The following IRF2BPL variants were observed in gnomAD, a reference collection of about 807,000 sequenced individuals.
IRF2BPL encodes interferon regulatory factor 2 binding protein like, also known as probable E3 ubiquitin-protein ligase IRF2BPL.
IRF2BPL carries 13 observed loss-of-function variants against 51.2 expected under a neutral mutation model. The ratio of observed to expected loss-of-function variants is 0.25; its 90% CI spans 0.17 to 0.40. The LOEUF (loss-of-function observed/expected upper bound fraction) is 0.40. Among genes scored for constraint, IRF2BPL ranks in the 10% least tolerant of loss-of-function variants. IRF2BPL has a pLI of 1.00. For synonymous variants in IRF2BPL, 768 were observed against 509.2 expected (o/e 1.51, Z -6.84); for missense variants, 1,210 against 1,111.8 (o/e 1.09, Z -1.26).
chr14:77,028,010 A>G lies in IRF2BPL; in HGVS notation c.-218T>C. On this transcript the variant is annotated 5_prime_UTR_variant, in exon 1 of 1. Transcript: ENST00000238647. ...CACCGCCCGGGCAGCGGACGGGTTC[A>G]GCCCTCTCTTCGCCCCCACCTCCTA... 4.0e-6 allele frequency: 2 copies of G among 502,482 alleles called. No homozygotes were observed. The highest frequency in any genetic ancestry group is 6.8e-6 in the Non-Finnish European group (2 of 295,066). The allele number at this position is 502,482 out of a possible 1,614,324, so 31.1% of individuals were successfully genotyped here.
In IRF2BPL at chr14:77,026,384, T is replaced by G; in HGVS notation, c.1409A>C (p.Asp470Ala). The change falls in exon 1 of 1, where the codon GAC becomes GCC. Residue 470 changes from aspartate to alanine, a missense_variant. By Grantham distance (126) the Asp-to-Ala change is moderately radical. Coordinates refer to ENST00000238647, the MANE Select transcript of IRF2BPL (RefSeq NM_024496.4). ...LEYEKKHGSGDWRLLGDLLPE... is the reference protein window; with the variant it reads ...LEYEKKHGSGAWRLLGDLLPE... ...GAGCAGGTCTCCAAGCAGGCGCCAGTCCCCGGAGCCGTGCTTCTTTTCGTA... is the reference window on the plus strand; with the variant it reads ...GAGCAGGTCTCCAAGCAGGCGCCAGGCCCCGGAGCCGTGCTTCTTTTCGTA... 1 of 1,612,828 alleles carries G rather than the reference T, an allele frequency of 6.2e-7. No individual in the cohort carries two copies. The highest frequency in any genetic ancestry group is 8.5e-7 in the Non-Finnish European group (1 of 1,179,866).
chr14:77,025,673 AT>A lies in IRF2BPL; in HGVS notation c.2119del (p.Met707TrpfsTer60). The A allele has an allele frequency of 6.4e-7, 1 of 1,563,160 alleles. No individual in the cohort carries two copies. The highest frequency in any genetic ancestry group is 2.3e-5 in the East Asian group (1 of 44,400). On this transcript the variant is annotated frameshift_variant, in exon 1 of 1. Transcript: ENST00000238647. LOFTEE classifies it high-confidence loss of function. ...GCAGCAGAGGGGTCCGCTGTTGGCC[AT>A]GGGGGAATCCGGAATGTTTTGGGGG... The part of the protein sequence containing the change: ...VHPQNIPDSP[M>X]ANSGPLCCTI...
Position 77,027,334 on chromosome 14 carries a change from A to G in IRF2BPL, c.459T>C (p.Ala153=), listed in dbSNP as rs574190382. 72 of 1,518,458 alleles carry G rather than the reference A, an allele frequency of 4.7e-5. No homozygotes were observed. The highest frequency in any genetic ancestry group is 3.8e-4 in the South Asian group (31 of 82,372). 94.1% of individuals were successfully genotyped at this position (1,518,458 alleles called of 1,614,324 possible). A position where few individuals can be genotyped will look rare whatever the true frequency, so the allele number is the denominator to read the frequency against. The change falls in exon 1 of 1, where the codon GCT becomes GCC. Residue 153 remains alanine, a synonymous_variant. Coordinates refer to ENST00000238647, the MANE Select transcript of IRF2BPL (RefSeq NM_024496.4). ...CGGCGGCGGCGGCGGCGGCGGCGGC[A>G]GCGCTTAGGCCGTAGCGCTCCAGGC... The part of the protein sequence containing the change: ...PSGLERYGLS[A]AAAAAAAAAA...
At position 77,027,437 on chromosome 14, in the gene IRF2BPL, TGCTGC is replaced by T; in HGVS notation, c.351_355del (p.Gln118AlafsTer13). ...CTGTTGTTGCTGCTGCTGCTGCTGC[TGCTGC>T]TGCTGCTGTTGCTGCTGCTGCTGCT... On this transcript the variant is annotated frameshift_variant, in exon 1 of 1. Transcript: ENST00000238647. LOFTEE classifies it high-confidence loss of function. The T allele has an allele frequency of 7.0e-7, 1 of 1,418,446 alleles. No individual in the cohort carries two copies. Among genetic ancestry groups the T allele is most frequent in the Non-Finnish European group, 9.3e-7 (1 of 1,075,238 alleles). 87.9% of individuals were successfully genotyped at this position (1,418,446 alleles called of 1,614,324 possible).
Position 77,024,555 on chromosome 14 carries a change from G to C in IRF2BPL, c.*847C>G, listed in dbSNP as rs138998533. 2.0e-5 allele frequency: 3 copies of C among 152,484 alleles called. No individual in the cohort carries two copies. Among genetic ancestry groups the C allele is most frequent in the African/African-American group, 7.2e-5 (3 of 41,426 alleles). The allele number at this position is 152,484 out of a possible 1,614,324, so 9.4% of individuals were successfully genotyped here. On this transcript the variant is annotated 3_prime_UTR_variant, in exon 1 of 1. Coordinates refer to ENST00000238647, the MANE Select transcript of IRF2BPL (RefSeq NM_024496.4). ...TGACTCAGCGCAGTTAATATCAATT[G>C]AATTTATTACAAGTTACTAAGCTCC...
Position 77,028,024 on chromosome 14 carries a change from C to T in IRF2BPL, c.-232G>A, listed in dbSNP as rs767733348. 4 of 447,284 alleles carry T rather than the reference C, an allele frequency of 8.9e-6. No homozygotes were observed. The highest frequency in any genetic ancestry group is 2.1e-5 in the African/African-American group (1 of 48,768). 27.7% of individuals were successfully genotyped at this position (447,284 alleles called of 1,614,324 possible). On this transcript the variant is annotated 5_prime_UTR_variant, in exon 1 of 1. Coordinates refer to ENST00000238647, the MANE Select transcript of IRF2BPL (RefSeq NM_024496.4). ...CGGACGGGTTCAGCCCTCTCTTCGC[C>T]CCCACCTCCTACTGCGGTTGACTCG...
At position 77,026,035 on chromosome 14, in the gene IRF2BPL, G is replaced by T; in HGVS notation, c.1758C>A (p.Phe586Leu). 1 of 1,563,548 alleles carries T rather than the reference G, an allele frequency of 6.4e-7. No individual in the cohort carries two copies. The change falls in exon 1 of 1, where the codon TTC becomes TTA. Residue 586 changes from phenylalanine (F) to leucine (L), a missense_variant. Phe to Leu is a conservative substitution (Grantham distance 22). Transcript: ENST00000238647. The part of the protein sequence containing the change: ...ALKLTMSAGG[F>L]AAPGHAAGGP... ...CCCCCGCCGCGTGCCCCGGCGCCGCGAAGCCCCCGGCGGACATGGTGAGCT... is the reference window on the plus strand; with the variant it reads ...CCCCCGCCGCGTGCCCCGGCGCCGCTAAGCCCCCGGCGGACATGGTGAGCT...
Position 77,026,016 on chromosome 14 carries a change from CCGCGTGCCCCGG to C in IRF2BPL, c.1765_1776del (p.Pro589_Ala592del), listed in dbSNP as rs1157543141. 7.0e-6 allele frequency: 11 copies of C among 1,563,506 alleles called. No individual in the cohort carries two copies. Among genetic ancestry groups the C allele is most frequent in the Non-Finnish European group, 8.7e-6 (10 of 1,155,948 alleles). On this transcript the variant is annotated inframe_deletion, in exon 1 of 1. Transcript: ENST00000238647. ...GGGGGCGGCGGAGGCGGACCCCCCG[CCGCGTGCCCCGG>C]CGCCGCGAAGCCCCCGGCGGACATG...
In IRF2BPL at chr14:77,026,961, C is replaced by A; in HGVS notation, c.832G>T (p.Ala278Ser). 1.4e-6 allele frequency: 2 copies of A among 1,464,280 alleles called. No individual in the cohort carries two copies. The highest frequency in any genetic ancestry group is 1.4e-5 in the African/African-American group (1 of 70,324). 90.7% of individuals were successfully genotyped at this position (1,464,280 alleles called of 1,614,324 possible). The change falls in exon 1 of 1, where the codon GCC becomes TCC. Residue 278 changes from alanine (A) to serine (S), a missense_variant. Ala to Ser is a moderately conservative substitution (Grantham distance 99). Transcript: ENST00000238647. ...AAVLPPPPPH[A>S]LGSRGPPTPA... ...GTCGGGGGCCCACGGCTGCCCAGGG[C>A]GTGGGGAGGGGGTGGGGGGAGTACC...
rs1156245586 is a variant in IRF2BPL, at chr14:77,026,004, G to A, written c.1789C>T (p.Pro597Ser). 2 of 1,568,786 alleles carry A rather than the reference G, an allele frequency of 1.3e-6. No homozygotes were observed. Among genetic ancestry groups the A allele is most frequent in the Non-Finnish European group, 1.7e-6 (2 of 1,158,546 alleles). ...GGTCCCAGAGGTGGGGGCGGCGGAG[G>A]CGGACCCCCCGCCGCGTGCCCCGGC... ...AAPGHAAGGP[P>S]PPPPPLGPHS... Residue 597 changes from proline to serine, a missense_variant, in exon 1 of 1, where the codon CCT becomes TCT. By Grantham distance (74) the Pro-to-Ser change is moderately conservative. Coordinates refer to ENST00000238647, the MANE Select transcript of IRF2BPL (RefSeq NM_024496.4).
In IRF2BPL at chr14:77,027,129, C is replaced by T; in HGVS notation, c.664G>A (p.Ala222Thr). The change falls in exon 1 of 1, where the codon GCG (alanine) becomes ACG (threonine). Residue 222 changes from alanine (A) to threonine (T), a missense_variant. Physicochemically the swap from Ala to Thr is moderately conservative, Grantham distance 58. Transcript: ENST00000238647. ...NRQSPNSSSAAASVASRRGTH... is the reference protein window; with the variant it reads ...NRQSPNSSSATASVASRRGTH... ...CCACGCCGAGACGCCACCGACGCCG[C>T]CGCTGAAGAAGAATTGGGGCTCTGA... is the stretch of plus-strand genomic sequence containing the variant. The T allele has an allele frequency of 6.2e-7, 1 of 1,612,762 alleles. No individual in the cohort carries two copies. The highest frequency in any genetic ancestry group is 8.5e-7 in the Non-Finnish European group (1 of 1,179,602).
rs1885146366 is a variant in IRF2BPL, at chr14:77,026,973, G to A, written c.820C>T (p.Pro274Ser). The A allele has an allele frequency of 2.7e-6, 4 of 1,476,970 alleles. No homozygotes were observed. The highest frequency in any genetic ancestry group is 1.4e-5 in the African/African-American group (1 of 71,274). 91.5% of individuals were successfully genotyped at this position (1,476,970 alleles called of 1,614,324 possible). ...CGGCTGCCCAGGGCGTGGGGAGGGG[G>A]TGGGGGGAGTACCGCAGCGCTGGCC... Reference protein sequence around the residue: ...GPASAAVLPPPPPHALGSRGP... With the variant: ...GPASAAVLPPSPPHALGSRGP... The change falls in exon 1 of 1, where the codon CCC becomes TCC. Residue 274 changes from proline to serine, a missense_variant. Pro to Ser is a moderately conservative substitution (Grantham distance 74). Coordinates refer to ENST00000238647, the MANE Select transcript of IRF2BPL (RefSeq NM_024496.4).
In IRF2BPL at chr14:77,027,451, TTGC is replaced by T. The variant is rs756469687; in HGVS notation, c.339_341del (p.Gln127del). 127 of 769,020 alleles carry T rather than the reference TTGC, an allele frequency of 1.7e-4. No individual in the cohort carries two copies. In the Middle Eastern group the frequency reaches 1.7e-3, roughly 10 times the overall value. 47.6% of individuals were successfully genotyped at this position (769,020 alleles called of 1,614,324 possible). On this transcript the variant is annotated inframe_deletion, in exon 1 of 1. Coordinates refer to ENST00000238647, the MANE Select transcript of IRF2BPL (RefSeq NM_024496.4). Reference sequence around the variant, plus strand: ...GCTGCTGCTGCTGCTGCTGCTGCTGTTGCTGCTGCTGCTGCTGCTGTTGCTGTT... The same window carrying T: ...GCTGCTGCTGCTGCTGCTGCTGCTGTTGCTGCTGCTGCTGCTGTTGCTGTT...
In IRF2BPL at chr14:77,027,445, C is replaced by CTGCTGCTGCTGCTGCTGT. The variant is rs768659841; in HGVS notation, c.347_348insACAGCAGCAGCAGCAGCA (p.Gln122_Gln127dup). On this transcript the variant is annotated inframe_insertion, in exon 1 of 1. Coordinates refer to ENST00000238647, the MANE Select transcript of IRF2BPL (RefSeq NM_024496.4). ...GCTGCTGCTGCTGCTGCTGCTGCTG[C>CTGCTGCTGCTGCTGCTGT]TGCTGTTGCTGCTGCTGCTGCTGCT... 34 of 1,156,286 alleles carry CTGCTGCTGCTGCTGCTGT rather than the reference C, an allele frequency of 2.9e-5. No homozygotes were observed. Among genetic ancestry groups the CTGCTGCTGCTGCTGCTGT allele is most frequent in the South Asian group, 1.8e-4 (11 of 59,498 alleles). 71.6% of individuals were successfully genotyped at this position (1,156,286 alleles called of 1,614,324 possible). A position where few individuals can be genotyped will look rare whatever the true frequency, so the allele number is the denominator to read the frequency against.
Position 77,026,330 on chromosome 14 carries a change from C to A in IRF2BPL, c.1463G>T (p.Gly488Val). The A allele has an allele frequency of 6.3e-7, 1 of 1,587,100 alleles. No homozygotes were observed. Among genetic ancestry groups the A allele is most frequent in the Non-Finnish European group, 8.6e-7 (1 of 1,168,078 alleles). ...LPEAVRFFKE[G>V]VPGADMLPQP... is the part of the protein sequence containing the mutation. ...GGGCAGCATGTCGGCGCCGGGCACG[C>A]CCTCCTTGAAGAAGCGCACGGCTTC... Residue 488 changes from glycine (G) to valine (V), a missense_variant, in exon 1 of 1, where the codon GGC becomes GTC. Transcript: ENST00000238647.
Position 77,027,839 on chromosome 14 carries a change from G to C in IRF2BPL, c.-47C>G, listed in dbSNP as rs755167042. 1 of 1,459,224 alleles carries C rather than the reference G, an allele frequency of 6.9e-7. No individual in the cohort carries two copies. The highest frequency in any genetic ancestry group is 1.4e-5 in the South Asian group (1 of 72,152). 90.4% of individuals were successfully genotyped at this position (1,459,224 alleles called of 1,614,324 possible). On this transcript the variant is annotated 5_prime_UTR_variant, in exon 1 of 1. Coordinates refer to ENST00000238647, the MANE Select transcript of IRF2BPL (RefSeq NM_024496.4). ...AGGCCCCCGCCCGGGCTGTCTCCGC[G>C]GCGCCTTCTCCTCCGGGAGGACTGG...
rs778766946 is a variant in IRF2BPL, at chr14:77,026,480, G to A, written c.1313C>T (p.Ala438Val). 1.5e-5 allele frequency: 24 copies of A among 1,613,412 alleles called. No homozygotes were observed. Among genetic ancestry groups the A allele is most frequent in the Non-Finnish European group, 1.8e-5 (21 of 1,179,978 alleles). ...GNVYSSASGVAKQMYQDCMKD... is the reference protein window; with the variant it reads ...GNVYSSASGVVKQMYQDCMKD... ...CATGCAGTCCTGATACATCTGCTTG[G>A]CCACACCAGATGCACTGGAGTACAC... The change falls in exon 1 of 1, where the codon GCC (alanine) becomes GTC (valine). Residue 438 changes from alanine (A) to valine (V), a missense_variant. Physicochemically the swap from Ala to Val is moderately conservative, Grantham distance 64. Coordinates refer to ENST00000238647, the MANE Select transcript of IRF2BPL (RefSeq NM_024496.4).
In IRF2BPL at chr14:77,027,884, G is replaced by C; in HGVS notation, c.-92C>G. 7.3e-7 allele frequency: 1 copy of C among 1,374,330 alleles called. No homozygotes were observed. Among genetic ancestry groups the C allele is most frequent in the African/African-American group, 1.5e-5 (1 of 66,590 alleles). The allele number at this position is 1,374,330 out of a possible 1,614,324, so 85.1% of individuals were successfully genotyped here. ...GACTGGCCGGCTGGGGAGGGAGTCC[G>C]ACTGCGGGGGAGGGAGGAGGGGGGG... is the stretch of plus-strand genomic sequence containing the variant. On this transcript the variant is annotated 5_prime_UTR_variant, in exon 1 of 1. Transcript: ENST00000238647.
chr14:77,027,539 G>A lies in IRF2BPL; in HGVS notation c.254C>T (p.Ala85Val), dbSNP rs1885189498. 1 of 717,860 alleles carries A rather than the reference G, an allele frequency of 1.4e-6. No individual in the cohort carries two copies. The allele number at this position is 717,860 out of a possible 1,614,324, so 44.5% of individuals were successfully genotyped here. ...PVGVKTVALS[A>V]KEAAAAAAAA... ...TGCCGCCGCCGCCGCCGCTTCCTTA[G>A]CCGACAGGGCCACTGTCTTGACCCC... Residue 85 changes from alanine (A) to valine (V), a missense_variant, in exon 1 of 1, where the codon GCT (alanine) becomes GTT (valine). By Grantham distance (64) the Ala-to-Val change is moderately conservative (BLOSUM62 0). Coordinates refer to ENST00000238647, the MANE Select transcript of IRF2BPL (RefSeq NM_024496.4).
Sources: allele counts gnomAD v4.1 joint callset, GRCh38; gene constraint gnomAD v4.1.1; transcripts MANE v1.5; gene names NCBI Gene and HGNC (gene_info 2026-07-23, HGNC 2026-07-21).